HS3ST4: variants seen among roughly 807,000 people sequenced by gnomAD.
HS3ST4 encodes heparan sulfate glucosamine 3-O-sulfotransferase 4.
In HS3ST4, 17 loss-of-function variants were observed where a neutral mutation model predicts 29.2. The ratio of observed to expected loss-of-function variants is 0.58; its 90% CI spans 0.40 to 0.87. The LOEUF is 0.87. Ranked by LOEUF, HS3ST4 falls within the 40% of genes least tolerant of loss-of-function variation. HS3ST4 has a pLI of 0.00. For synonymous variants in HS3ST4, 314 were observed against 285.7 expected, an observed-to-expected ratio of 1.10 and a Z score of -1.00; for missense variants, 627 against 634.5, an observed-to-expected ratio of 0.99 and a Z score of 0.13.
chr16:26,033,253 C>T lies in HS3ST4; in HGVS notation c.735-102359C>T, dbSNP rs189960891. 4.5e-3 allele frequency among the ~76,000 whole-genome samples: 684 copies of T among 152,108 alleles called. 3 individuals carry two copies. The highest frequency in any genetic ancestry group is 0.016 in the African/African-American group (654 of 41,498). ...TTAGCAGGCTGGGCATGGTGGGTCACGCCTGTAATCCCAGCATTTTGGGAG... is the reference window on the plus strand; with the variant it reads ...TTAGCAGGCTGGGCATGGTGGGTCATGCCTGTAATCCCAGCATTTTGGGAG... On this transcript the variant is annotated intron_variant, in intron 1 of 1. Coordinates refer to ENST00000331351, the MANE Select transcript of HS3ST4 (RefSeq NM_006040.3).
chr16:25,996,145 C>A (rs1313274302), intron 1 of HS3ST4, among the ~76,000 whole-genome samples: 1 of 152,088 alleles, frequency 6.6e-6, no homozygotes, highest in East Asian at 1.9e-4. Flanking sequence ...GACCAAAGCA[C>A]CTTCTAATTG....
chr16:26,071,650 G>A (rs987738255), intron 1 of HS3ST4, among the ~76,000 whole-genome samples: 1 of 152,078 alleles, frequency 6.6e-6, no homozygotes, highest in Non-Finnish European at 1.5e-5. Context: ...TAAAATACAT[G>A]CATTAGTCAC....
intron 1 of HS3ST4, among the ~76,000 whole-genome samples, chr16:25,899,096 C>G (rs1374304535): frequency 1.3e-5 from 2 of 152,210 alleles, no homozygotes; most frequent in Non-Finnish European, 2.9e-5. Flanking sequence ...TCTTTCCAAT[C>G]TCTCTGTTTT....
intron 1 of HS3ST4, among the ~76,000 whole-genome samples, chr16:25,729,837 G>A (rs886091882): frequency 3.3e-5 from 5 of 152,266 alleles, no homozygotes; most frequent in African/African-American, 1.2e-4. Flanking sequence ...TAAGAGGACC[G>A]AGCTTCCAGC....
intron 1 of HS3ST4, among the ~76,000 whole-genome samples, chr16:26,022,844 T>C (rs992160659): frequency 1.1e-4 from 16 of 151,980 alleles, no homozygotes; most frequent in African/African-American, 3.6e-4. Context: ...TTAACAACTT[T>C]AATAACTGTA....
chr16:26,101,699 A>T (rs1310206911), intron 1 of HS3ST4, among the ~76,000 whole-genome samples: 1 of 152,228 alleles, frequency 6.6e-6, no homozygotes, highest in Non-Finnish European at 1.5e-5. Context: ...AGAATGGATG[A>T]ATGAATAGAT....
chr16:25,783,926 C>T (rs545123332), intron 1 of HS3ST4, among the ~76,000 whole-genome samples: 1 of 152,210 alleles, frequency 6.6e-6, no homozygotes, highest in African/African-American at 2.4e-5. Context: ...TGTTTGTTTA[C>T]ACATTGAGGG....
chr16:25,995,985 T>C (rs563792226), intron 1 of HS3ST4, among the ~76,000 whole-genome samples: 2 of 150,898 alleles, frequency 1.3e-5, no homozygotes, highest in Admixed American at 1.3e-4. Flanking sequence ...GCTTCAGTTA[T>C]TTTGTTCTTC....
chr16:25,953,691 G>T (rs1008638534), intron 1 of HS3ST4, among the ~76,000 whole-genome samples: 2 of 152,188 alleles, frequency 1.3e-5, no homozygotes, highest in African/African-American at 4.8e-5. Context: ...TTGAGAGCAA[G>T]TGATTTATTT....
At chr16:26,091,485 T>C (rs1323749966) in intron 1 of HS3ST4, among the ~76,000 whole-genome samples, 7 of 152,192 alleles carry the variant, frequency 4.6e-5, no homozygotes, top group Non-Finnish European at 7.3e-5. Context: ...CAAGGTGTTA[T>C]TTGCTCCTGT....
At chr16:26,053,776 G>A (rs1202191310) in intron 1 of HS3ST4, among the ~76,000 whole-genome samples, 1 of 152,074 alleles carries the variant, frequency 6.6e-6, no homozygotes, top group African/African-American at 2.4e-5. Context: ...TTCGTTACTT[G>A]TATTACCATT....
intron 1 of HS3ST4, among the ~76,000 whole-genome samples, chr16:26,098,083 A>C (rs1898949857): frequency 6.6e-6 from 1 of 152,198 alleles, no homozygotes; most frequent in Non-Finnish European, 1.5e-5. Context: ...GTCAGGAAAC[A>C]ACAGATGCCA....
chr16:26,124,135 G>A (rs1231429467), intron 1 of HS3ST4, among the ~76,000 whole-genome samples: 1 of 152,054 alleles, frequency 6.6e-6, no homozygotes, highest in Non-Finnish European at 1.5e-5. Flanking sequence ...AGTCAGGTTG[G>A]TCTTGAACTC....
intron 1 of HS3ST4, among the ~76,000 whole-genome samples, chr16:25,828,318 C>A: frequency 8.0e-6 from 1 of 125,768 alleles, no homozygotes; most frequent in African/African-American, 3.3e-5. Flanking sequence ...CTCTCTCTCT[C>A]TCTCTCTCTC....
At chr16:25,945,492 C>T (rs1968616852) in intron 1 of HS3ST4, among the ~76,000 whole-genome samples, 1 of 132,820 alleles carries the variant, frequency 7.5e-6, no homozygotes, top group Non-Finnish European at 1.6e-5. Context: ...GGGTGAGTGT[C>T]CTTTGGTATA....
Position 25,782,063 on chromosome 16 carries a change from G to A in HS3ST4, c.734+88912G>A, listed in dbSNP as rs1239413365. 2.6e-5 allele frequency among the ~76,000 whole-genome samples: 4 copies of A among 152,152 alleles called. No homozygotes were observed. The East Asian group carries it at 5.8e-4, about 22-fold the overall frequency. On this transcript the variant is annotated intron_variant, in intron 1 of 1. Coordinates refer to ENST00000331351, the MANE Select transcript of HS3ST4 (RefSeq NM_006040.3). The stretch of plus-strand genomic sequence containing the variant: ...GAGGCCTCGGGAAATTTACAATCAT[G>A]GCAGAAGGTGAAGGGGAAGCAAGAC...
intron 1 of HS3ST4, among the ~76,000 whole-genome samples, chr16:26,037,447 ACT>A (rs1359717005): frequency 6.6e-6 from 1 of 152,174 alleles, no homozygotes; most frequent in East Asian, 1.9e-4. Flanking sequence ...GTACTCACAC[ACT>A]CGGAAAAAGC....
intron 1 of HS3ST4, among the ~76,000 whole-genome samples, chr16:25,992,386 A>C (rs911616405): frequency 2.0e-5 from 3 of 152,244 alleles, no homozygotes; most frequent in Non-Finnish European, 2.9e-5. Flanking sequence ...AATGGGAGAG[A>C]TGGAAGAGTA....
intron 1 of HS3ST4, among the ~76,000 whole-genome samples, chr16:25,723,172 TCAGATTTGGGTAGTGA>T (rs771134899): frequency 2.0e-5 from 3 of 152,154 alleles, no homozygotes; most frequent in African/African-American, 4.8e-5. Context: ...CAATTCAAGA[TCAGATTTGGGTAGTGA>T]CACGGCTAAA....
Sources: gnomAD v4.1 joint callset for allele counts (sites outside exome capture counted in the v4.1 genomes callset) on GRCh38, gnomAD v4.1.1 for gene constraint, MANE v1.5 for transcripts, NCBI Gene and HGNC (gene_info 2026-07-23, HGNC 2026-07-21) for gene names.